TNFRSF21: variants seen among roughly 807,000 people sequenced by gnomAD.
TNFRSF21 encodes the protein TNF receptor superfamily member 21, also known as tumor necrosis factor receptor superfamily member 21.
A neutral mutation model predicts 45.6 loss-of-function variants in TNFRSF21; 19 were observed. The observed-to-expected ratio is 0.42, with a 90% CI of 0.29 to 0.61. The LOEUF is 0.61. Ranked by LOEUF, TNFRSF21 falls within the 20% of genes least tolerant of loss-of-function variation. The probability of loss-of-function intolerance (pLI) is 0.23; values close to 1 mark genes in which losing one functional copy is unlikely to be tolerated. For missense variants in TNFRSF21, 737 were observed against 851.5 expected (o/e 0.87, Z 1.67); for synonymous variants, 314 against 335.5 (o/e 0.94, Z 0.70).
In TNFRSF21 at chr6:47,232,974, G is replaced by C; in HGVS notation, c.1759C>G (p.Arg587Gly). 1 of 1,614,164 alleles carries C rather than the reference G, an allele frequency of 6.2e-7. No homozygotes were observed. Among genetic ancestry groups the C allele is most frequent in the Non-Finnish European group, 8.5e-7 (1 of 1,180,036 alleles). The change falls in exon 6 of 6, where the codon CGG becomes GGG. Residue 587 changes from arginine to glycine, a missense_variant. By Grantham distance (125) the Arg-to-Gly change is moderately radical. Coordinates refer to ENST00000296861, the MANE Select transcript of TNFRSF21 (RefSeq NM_014452.5). ...TCACAGGGGTCCAGGCGTACCTGCC[G>C]CAACACTGTGTCCTTCTTTTCTGCA... ...ITKEKKDTVL[R>G]QVRLDPCDLQ...
chr6:47,261,353 C>T (rs1003982045), intron 3 of TNFRSF21, among the ~76,000 whole-genome samples: 10 of 152,246 alleles, frequency 6.6e-5, no homozygotes, highest in Admixed American at 1.3e-4. Flanking sequence ...GCAGCATCCC[C>T]AGCACCTGTC....
At chr6:47,245,442 GTGTGTGTGTGTGTGTT>G (rs1276021673) in intron 4 of TNFRSF21, among the ~76,000 whole-genome samples, 32 of 144,806 alleles carry the variant, frequency 2.2e-4, no homozygotes, top group Admixed American at 1.1e-3. Context: ...GTGTGTGTGT[GTGTGTGTGTGTGTGTT>G]TGTGTGTGTG....
chr6:47,304,848 G>A (rs1762917095), intron 1 of TNFRSF21, among the ~76,000 whole-genome samples: 1 of 152,072 alleles, frequency 6.6e-6, no homozygotes. Flanking sequence ...TCAAACATAT[G>A]CCTTCAGAAA....
intron 3 of TNFRSF21, among the ~76,000 whole-genome samples, chr6:47,274,553 A>G (rs574019971): frequency 6.6e-6 from 1 of 152,376 alleles, no homozygotes; most frequent in African/African-American, 2.4e-5. Flanking sequence ...AAACCTAGGC[A>G]ATACCATTCA....
rs894073529 is a variant in TNFRSF21 at position 47,233,106 on chromosome 6, A to G, written c.1739-112T>C. The stretch of plus-strand genomic sequence containing the variant: ...GAGACATCTATGTCCCCCCCAGCCT[A>G]TTATTCTCCATCCTCCATTACAGTG... On this transcript the variant is annotated intron_variant, in intron 5 of 5. Coordinates refer to ENST00000296861, the MANE Select transcript of TNFRSF21 (RefSeq NM_014452.5). 7 of 869,632 alleles carry G rather than the reference A, an allele frequency of 8.0e-6. No individual in the cohort carries two copies. In the South Asian group the frequency reaches 8.3e-5, roughly 10 times the overall value. The allele number at this position is 869,632 out of a possible 1,614,324, so 53.9% of individuals were successfully genotyped here. A position where few individuals can be genotyped will look rare whatever the true frequency, so the allele number is the denominator to read the frequency against.
chr6:47,233,624 C>T (rs1764617814), intron 5 of TNFRSF21, among the ~76,000 whole-genome samples: 1 of 150,694 alleles, frequency 6.6e-6, no homozygotes, highest in Non-Finnish European at 1.5e-5. Flanking sequence ...TATTATAAAG[C>T]ACTTTTTCTA....
intron 3 of TNFRSF21, among the ~76,000 whole-genome samples, chr6:47,275,664 GA>G (rs11406009): frequency 6.6e-6 from 1 of 151,122 alleles, no homozygotes. Flanking sequence ...TTTAAAAAAA[GA>G]AAAAAAAATG....
At position 47,232,773 on chromosome 6, in the gene TNFRSF21, G is replaced by C. The variant is rs1764606933; in HGVS notation, c.1960C>G (p.Leu654Val). The part of the protein sequence containing the change: ...LDSVYSHLPD[L>V]L ...TGCAGTATCCCTATGTTCTACAGCAGGTCAGGAAGATGGCTATAAACAGAG... is the reference window on the plus strand; with the variant it reads ...TGCAGTATCCCTATGTTCTACAGCACGTCAGGAAGATGGCTATAAACAGAG... The change falls in exon 6 of 6, where the codon CTG (leucine) becomes GTG (valine). Residue 654 changes from leucine (L) to valine (V), a missense_variant. Coordinates refer to ENST00000296861, the MANE Select transcript of TNFRSF21 (RefSeq NM_014452.5). 2 of 1,613,876 alleles carry C rather than the reference G, an allele frequency of 1.2e-6. No individual in the cohort carries two copies. The highest frequency in any genetic ancestry group is 2.7e-5 in the African/African-American group (2 of 74,882).
At chr6:47,266,233 C>T (rs1762331317) in intron 3 of TNFRSF21, among the ~76,000 whole-genome samples, 1 of 152,084 alleles carries the variant, frequency 6.6e-6, no homozygotes. Context: ...TGTTCACGAC[C>T]CCCAATAAAG....
chr6:47,290,579 T>C (rs1762710917), intron 1 of TNFRSF21, among the ~76,000 whole-genome samples: 1 of 152,256 alleles, frequency 6.6e-6, no homozygotes, highest in African/African-American at 2.4e-5. Flanking sequence ...AGCTCTTTGT[T>C]CATTTGGAAT....
chr6:47,283,506 C>T (rs572943499), intron 3 of TNFRSF21, among the ~76,000 whole-genome samples: 2 of 152,340 alleles, frequency 1.3e-5, no homozygotes, highest in Non-Finnish European at 2.9e-5. Flanking sequence ...TTGTCCCCTT[C>T]ATTTGCTTCA....
chr6:47,309,044 G>A (rs1189917489), intron 1 of TNFRSF21, among the ~76,000 whole-genome samples: 1 of 152,188 alleles, frequency 6.6e-6, no homozygotes, highest in East Asian at 1.9e-4. Context: ...CCACGCAGAG[G>A]GGCAGTGGCC....
chr6:47,242,072 G>C (rs1016097810), intron 4 of TNFRSF21, among the ~76,000 whole-genome samples: 2 of 151,970 alleles, frequency 1.3e-5, no homozygotes, highest in African/African-American at 4.8e-5. Context: ...CAGCTTCCTT[G>C]GGAACCCCCA....
At chr6:47,293,453 C>T (rs928816467) in intron 1 of TNFRSF21, among the ~76,000 whole-genome samples, 7 of 152,202 alleles carry the variant, frequency 4.6e-5, no homozygotes, top group Admixed American at 1.3e-4. Flanking sequence ...CCAAAAGACA[C>T]CTTATGGCCT....
At chr6:47,268,595 A>T (rs1762369737) in intron 3 of TNFRSF21, among the ~76,000 whole-genome samples, 1 of 150,296 alleles carries the variant, frequency 6.7e-6, no homozygotes, top group Admixed American at 6.6e-5. Flanking sequence ...TTTCACCTGG[A>T]GCCAAGATCT....
Position 47,284,124 on chromosome 6 carries a change from T to C in TNFRSF21, c.1057A>G (p.Met353Val). The change falls in exon 3 of 6, where the codon ATG becomes GTG. Residue 353 changes from methionine to valine, a missense_variant. Physicochemically the swap from Met to Val is conservative, Grantham distance 21 (BLOSUM62 1). Transcript: ENST00000296861. The part of the protein sequence containing the change: ...HFDINEHLPW[M>V]IVLFLLLVLV... ...ACCAGCAGCAGGAAAAGCACAATCA[T>C]CCAGGGCAAATGCTCATTGATGTCA... is the stretch of plus-strand genomic sequence containing the variant. 1 of 1,614,170 alleles carries C rather than the reference T, an allele frequency of 6.2e-7. No individual in the cohort carries two copies. Among genetic ancestry groups the C allele is most frequent in the Non-Finnish European group, 8.5e-7 (1 of 1,180,044 alleles).
intron 1 of TNFRSF21, among the ~76,000 whole-genome samples, chr6:47,289,687 C>A (rs892715881): frequency 6.6e-6 from 1 of 152,068 alleles, no homozygotes; most frequent in Non-Finnish European, 1.5e-5. Flanking sequence ...CCTGTGGAAC[C>A]CAAGTTACAT....
chr6:47,238,799 T>C (rs1229776861), intron 4 of TNFRSF21, among the ~76,000 whole-genome samples: 1 of 152,222 alleles, frequency 6.6e-6, no homozygotes, highest in East Asian at 1.9e-4. Flanking sequence ...TGAACATCTC[T>C]GGGCTACTGA....
chr6:47,307,923 G>A (rs1446985174), intron 1 of TNFRSF21, among the ~76,000 whole-genome samples: 1 of 152,120 alleles, frequency 6.6e-6, no homozygotes, highest in African/African-American at 2.4e-5. Flanking sequence ...AGGAAATGAT[G>A]ATAGTTCTCA....
Sources: gnomAD v4.1 joint callset for allele counts (sites outside exome capture counted in the v4.1 genomes callset) on GRCh38, gnomAD v4.1.1 for gene constraint, MANE v1.5 for transcripts, NCBI Gene and HGNC (gene_info 2026-07-23, HGNC 2026-07-21) for gene names.